Variants in RTN4 observed in about 807,000 individuals in gnomAD.
The protein encoded by RTN4 is reticulon-4.
In RTN4, 32 loss-of-function variants were observed where a neutral mutation model predicts 90.4. The observed-to-expected ratio is 0.35, with a 90% CI of 0.27 to 0.48. The LOEUF (loss-of-function observed/expected upper bound fraction) is 0.48. Among genes scored for constraint, RTN4 ranks in the 20% least tolerant of loss-of-function variants. The pLI is 0.99. For missense variants in RTN4, 1,706 were observed against 1,430.2 expected (o/e 1.19, Z -3.11); for synonymous variants, 629 against 552.5 (o/e 1.14, Z -1.94).
At chr2:55,132,811 CT>C in the RTN4 span, among the ~76,000 whole-genome samples, 1 of 32,622 alleles carries the variant, frequency 3.1e-5, no homozygotes, top group Non-Finnish European at 5.7e-5. Flanking sequence ...GAGACCGTCT[CT>C]CAAAAAAAAA....
At chr2:55,043,111 CTCA>C (rs1349550010) in intron 1 of RTN4, among the ~76,000 whole-genome samples, 48 of 152,284 alleles carry the variant, frequency 3.2e-4, no homozygotes, top group Non-Finnish European at 6.3e-4. Context: ...AAAGCTGGGT[CTCA>C]TCATTTTGCA....
the RTN4 span, among the ~76,000 whole-genome samples, chr2:55,133,239 T>C: frequency 6.6e-6 from 1 of 152,102 alleles, no homozygotes; most frequent in South Asian, 2.1e-4. Flanking sequence ...ATAAAAAAAT[T>C]TGTGGGTACA....
intron 1 of RTN4, 176 bp downstream of exon 1, chr2:55,049,568 AG>A (rs1667976530): frequency 2.9e-6 from 3 of 1,045,562 alleles, no homozygotes; most frequent in Non-Finnish European, 2.9e-6. Context: ...CCGGGCTCCA[AG>A]GGCCGCCCCA....
At chr2:54,998,700 C>T (rs766799812) in intron 3 of RTN4, among the ~76,000 whole-genome samples, 3 of 152,062 alleles carry the variant, frequency 2.0e-5, no homozygotes, top group East Asian at 1.9e-4. Flanking sequence ...GTCTGAATAG[C>T]GGCCAGATTA....
At chr2:55,079,179 G>A (rs1164748558) in intron 2 of RTN4, among the ~76,000 whole-genome samples, 2 of 152,204 alleles carry the variant, frequency 1.3e-5, no homozygotes, top group African/African-American at 4.8e-5. Flanking sequence ...CAAAGAGGTT[G>A]CCAAAGCTTC....
chr2:54,992,658 GA>G (rs1679101622), intron 3 of RTN4, among the ~76,000 whole-genome samples: 1 of 151,864 alleles, frequency 6.6e-6, no homozygotes, highest in Non-Finnish European at 1.5e-5. Flanking sequence ...TTATGCAAGA[GA>G]AATGTGTAGC....
chr2:55,041,511 T>C (rs1304082553), intron 1 of RTN4, among the ~76,000 whole-genome samples: 2 of 152,130 alleles, frequency 1.3e-5, no homozygotes, highest in Admixed American at 1.3e-4. Flanking sequence ...CTGATACTTC[T>C]GTGTGAACTG....
chr2:54,991,884 T>C (rs1311786632), intron 3 of RTN4, among the ~76,000 whole-genome samples: 1 of 152,238 alleles, frequency 6.6e-6, no homozygotes, highest in Non-Finnish European at 1.5e-5. Flanking sequence ...TCTATCATTA[T>C]GGCAACTGTA....
chr2:55,010,492 C>T, intron 3 of RTN4: 1 of 367,014 alleles, frequency 2.7e-6, no homozygotes. Flanking sequence ...CTGAATGTAT[C>T]TGAAATGCAA....
chr2:55,090,683 A>G (rs1668920227), intron 1 of RTN4, among the ~76,000 whole-genome samples: 1 of 152,180 alleles, frequency 6.6e-6, no homozygotes, highest in South Asian at 2.1e-4. Context: ...GATGGTTCCC[A>G]AAGACCTGTC....
the RTN4 span, among the ~76,000 whole-genome samples, chr2:55,136,569 T>C: frequency 3.3e-5 from 5 of 152,224 alleles, no homozygotes; most frequent in Non-Finnish European, 7.3e-5. Context: ...GTCCCTCAGA[T>C]GAATTCTTTC....
At chr2:55,070,137 G>A (rs1366676456) in intron 2 of RTN4, among the ~76,000 whole-genome samples, 1 of 152,040 alleles carries the variant, frequency 6.6e-6, no homozygotes, top group Non-Finnish European at 1.5e-5. Context: ...TTAAAACTAT[G>A]AGCTGGATAG....
At position 54,973,420 on chromosome 2, in the gene RTN4, A is replaced by AAAAC. The variant is rs139725667; in HGVS notation, c.3536+139_3536+142dup. The AAAAC allele has an allele frequency of 6.6e-4, 521 of 788,876 alleles. No homozygotes were observed. The African/African-American group carries it at 7.3e-3, about 11-fold the overall frequency. 48.9% of individuals were successfully genotyped at this position (788,876 alleles called of 1,614,324 possible). On this transcript the variant is annotated intron_variant, in intron 8 of 8. Transcript: ENST00000337526. ...AGAAACGAATGGTCCAAATGTTAGAAAAACAATCTTTTGGCAACTCTGAAG... is the reference window on the plus strand; with the variant it reads ...AGAAACGAATGGTCCAAATGTTAGAAAAACAAACAATCTTTTGGCAACTCTGAAG...
chr2:55,109,880 T>C (rs1017268031), intron 1 of RTN4, among the ~76,000 whole-genome samples: 3 of 152,186 alleles, frequency 2.0e-5, no homozygotes, highest in Non-Finnish European at 4.4e-5. Flanking sequence ...CTTAGCCTTG[T>C]AGAGGGATAT....
the RTN4 span, among the ~76,000 whole-genome samples, chr2:55,132,138 C>A: frequency 6.6e-6 from 1 of 152,122 alleles, no homozygotes; most frequent in African/African-American, 2.4e-5. Flanking sequence ...AATGGCAGTA[C>A]GTTAATTGCT....
upstream of RTN4, among the ~76,000 whole-genome samples, chr2:55,053,608 C>T (rs1668135084): frequency 6.6e-6 from 1 of 151,702 alleles, no homozygotes; most frequent in Non-Finnish European, 1.5e-5. Flanking sequence ...ATTGCTTGGA[C>T]CTGAGAGGCA....
intron 8 of RTN4, 119 bp downstream of exon 8, chr2:54,973,444 A>G: frequency 1.2e-6 from 1 of 842,136 alleles, no homozygotes; most frequent in Non-Finnish European, 1.9e-6. Flanking sequence ...GCAACTCTGA[A>G]GTCACACTTA....
intron 3 of RTN4, among the ~76,000 whole-genome samples, chr2:55,016,567 G>C (rs776397947): frequency 2.0e-5 from 3 of 152,202 alleles, no homozygotes; most frequent in African/African-American, 2.4e-5. Flanking sequence ...CTGAGTGACA[G>C]AGCGAGACTA....
chr2:55,130,479 G>A, the RTN4 span, among the ~76,000 whole-genome samples: 1 of 152,174 alleles, frequency 6.6e-6, no homozygotes, highest in Non-Finnish European at 1.5e-5. Flanking sequence ...GCTGGGTGTG[G>A]TGGCTCACGC....
Sources: allele counts gnomAD v4.1 joint callset (sites outside exome capture counted in the v4.1 genomes callset), GRCh38; gene constraint gnomAD v4.1.1; transcripts MANE v1.5; gene names NCBI Gene and HGNC (gene_info 2026-07-23, HGNC 2026-07-21).